UGT2B17: variants seen among roughly 807,000 people sequenced by gnomAD.
UGT2B17 encodes the protein UDP-glucuronosyltransferase 2B17.
Under a neutral mutation model 48.2 loss-of-function variants are expected in UGT2B17, and 21 were observed. The observed-to-expected ratio is 0.44, with a 90% CI of 0.31 to 0.63. The LOEUF (loss-of-function observed/expected upper bound fraction) is 0.63. UGT2B17 is among the 20% of genes least tolerant of loss of function. UGT2B17 has a pLI of 0.08. For missense variants in UGT2B17, 402 were observed against 696.1 expected, an observed-to-expected ratio of 0.58 and a Z score of 4.75; for synonymous variants, 146 against 238.4, an observed-to-expected ratio of 0.61 and a Z score of 3.57.
Position 68,555,215 on chromosome 4 carries a change from C to G in UGT2B17, c.1006-3304G>C, listed in dbSNP as rs1296822505. Among the ~76,000 whole-genome samples, 9 of 125,704 alleles carry G rather than the reference C, an allele frequency of 7.2e-5. 2 individuals are homozygous for G. Among genetic ancestry groups the G allele is most frequent in the African/African-American group, 2.4e-4 (9 of 36,988 alleles). 82.5% of individuals were successfully genotyped at this position (125,704 alleles called of 152,430 possible). On this transcript the variant is annotated intron_variant, in intron 4 of 6. Coordinates refer to ENST00000317746, the MANE Select transcript of UGT2B17 (RefSeq NM_001077.4). ...ATTTCATACTTATTCTTGCCAAATA[C>G]TTTAAGGTGTCAAAATTTGACATAG...
rs575582856 is a variant in UGT2B17 at position 68,561,446 on chromosome 4, C to A, written c.874-778G>T. On this transcript the variant is annotated intron_variant, in intron 3 of 6. Transcript: ENST00000317746. Reference sequence around the variant, plus strand: ...GTTACATAATTAAGTGATCTTATTTCTCAGATCATTGTTTAGGTATGACTA... The same window carrying A: ...GTTACATAATTAAGTGATCTTATTTATCAGATCATTGTTTAGGTATGACTA... Among the ~76,000 whole-genome samples the A allele has an allele frequency of 7.3e-4, 91 of 124,756 alleles. 24 individuals carry two copies. In the South Asian group the frequency reaches 0.014, roughly 19 times the overall value. The allele number at this position is 124,756 out of a possible 152,430, so 81.8% of individuals were successfully genotyped here.
Position 68,546,012 on chromosome 4 carries a change from C to G in UGT2B17, c.1313+4665G>C, listed in dbSNP as rs530054612. Among the ~76,000 whole-genome samples, 95 of 125,888 alleles carry G rather than the reference C, an allele frequency of 7.5e-4. 17 individuals are homozygous for G. The highest frequency in any genetic ancestry group is 2.5e-3 in the African/African-American group (93 of 36,782). 82.6% of individuals were successfully genotyped at this position (125,888 alleles called of 152,430 possible). A position where few individuals can be genotyped will look rare whatever the true frequency, so the allele number is the denominator to read the frequency against. ...CCAGAGGTACAAGGAGGAGCTGGTA[C>G]CCTTCCTTCTGAAACTATTCCAATC... On this transcript the variant is annotated intron_variant, in intron 6 of 6. Transcript: ENST00000317746.
intron 6 of UGT2B17, among the ~76,000 whole-genome samples, chr4:68,550,162 C>T (rs1290206048): frequency 8.0e-6 from 1 of 124,282 alleles, no homozygotes; most frequent in Non-Finnish European, 1.7e-5. Flanking sequence ...TTAATTTGAG[C>T]TCACAAAAAT....
rs1429090416 is a variant in UGT2B17, at chr4:68,553,940, G to C, written c.1006-2029C>G. On this transcript the variant is annotated intron_variant, in intron 4 of 6. Transcript: ENST00000317746. The stretch of plus-strand genomic sequence containing the variant: ...AGGCAAAAGGCACCCCTAAGCAACT[G>C]GGGGCCTTGTGGGAGTGTCTTGGGT... Among the ~76,000 whole-genome samples, 2 of 124,136 alleles carry C rather than the reference G, an allele frequency of 1.6e-5. 1 individual carries two copies. The highest frequency in any genetic ancestry group is 3.4e-5 in the Non-Finnish European group (2 of 58,846). 81.4% of individuals were successfully genotyped at this position (124,136 alleles called of 152,430 possible).
chr4:68,576,026 C>A lies in UGT2B17; in HGVS notation c.-140G>T, dbSNP rs1731368532. ...CCACTGTGTTAATCCTCCACGGGGGCCTGCTACGTGTTGATCTGGTGAGGT... is the reference window on the plus strand; with the variant it reads ...CCACTGTGTTAATCCTCCACGGGGGACTGCTACGTGTTGATCTGGTGAGGT... On this transcript the variant is annotated 5_prime_UTR_variant, in exon 1 of 7. Transcript: ENST00000317746. Among the ~76,000 whole-genome samples, 1 of 126,074 alleles carries A rather than the reference C, an allele frequency of 7.9e-6. No individual in the cohort carries two copies. The highest frequency in any genetic ancestry group is 1.7e-5 in the Non-Finnish European group (1 of 59,472). The allele number at this position is 126,074 out of a possible 152,430, so 82.7% of individuals were successfully genotyped here. A position where few individuals can be genotyped will look rare whatever the true frequency, so the allele number is the denominator to read the frequency against.
In UGT2B17 at chr4:68,551,657, T is replaced by A. The variant is rs575588588; in HGVS notation, c.1093+167A>T. On this transcript the variant is annotated intron_variant, in intron 5 of 6. Coordinates refer to ENST00000317746, the MANE Select transcript of UGT2B17 (RefSeq NM_001077.4). ...TGTAACAAAATGCCAACTACCATAG[T>A]GTATTCTTCTTATACTAAGACTAGA... 3.1e-4 allele frequency among the ~76,000 whole-genome samples: 39 copies of A among 126,792 alleles called. 10 individuals are homozygous for A. The highest frequency in any genetic ancestry group is 9.9e-4 in the African/African-American group (37 of 37,296). The allele number at this position is 126,792 out of a possible 152,430, so 83.2% of individuals were successfully genotyped here.
At position 68,555,815 on chromosome 4, in the gene UGT2B17, G is replaced by A. The variant is rs1160182194; in HGVS notation, c.1006-3904C>T. Among the ~76,000 whole-genome samples the A allele has an allele frequency of 1.6e-5, 2 of 123,962 alleles. 1 individual carries two copies. The highest frequency in any genetic ancestry group is 1.7e-4 in the Admixed American group (2 of 12,014). 81.3% of individuals were successfully genotyped at this position (123,962 alleles called of 152,430 possible). ...AAAAAAAGTGCATCTTTTTTAAAAA[G>A]GTGAAGAAGTGTTGTCTAATTCAAA... On this transcript the variant is annotated intron_variant, in intron 4 of 6. Coordinates refer to ENST00000317746, the MANE Select transcript of UGT2B17 (RefSeq NM_001077.4).
At position 68,571,320 on chromosome 4, in the gene UGT2B17, C is replaced by T. The variant is rs1180451555; in HGVS notation, c.-64-2772G>A. On this transcript the variant is annotated intron_variant, in intron 1 of 6. Coordinates refer to ENST00000317746, the MANE Select transcript of UGT2B17 (RefSeq NM_001077.4). ...TAAGAAGAAAGAAGGCTTAATGGTG[C>T]GAATTACACAGCTACCTGTCTACTG... 8.0e-5 allele frequency among the ~76,000 whole-genome samples: 10 copies of T among 125,232 alleles called. 1 individual carries two copies. The highest frequency in any genetic ancestry group is 1.3e-4 in the Non-Finnish European group (8 of 59,264). The allele number at this position is 125,232 out of a possible 152,430, so 82.2% of individuals were successfully genotyped here.
At chr4:68,551,111 G>A (rs1578167045) in intron 5 of UGT2B17, among the ~76,000 whole-genome samples, 1 of 124,774 alleles carries the variant, frequency 8.0e-6, no homozygotes, top group African/African-American at 2.7e-5. Flanking sequence ...TGGTCTGTGT[G>A]TCTTCACAGT....
chr4:68,541,233 A>T (rs1326971825), intron 6 of UGT2B17, among the ~76,000 whole-genome samples: 1 of 126,066 alleles, frequency 7.9e-6, no homozygotes, highest in Non-Finnish European at 1.7e-5. Context: ...ATTGTTTTCC[A>T]TGATGGTTGA....
rs371084578 is a variant in UGT2B17 at position 68,546,989 on chromosome 4, C to T, written c.1313+3688G>A. 1.4e-4 allele frequency among the ~76,000 whole-genome samples: 17 copies of T among 124,716 alleles called. 4 individuals carry two copies. Among genetic ancestry groups the T allele is most frequent in the East Asian group, 7.7e-4 (1 of 1,298 alleles). The allele number at this position is 124,716 out of a possible 152,430, so 81.8% of individuals were successfully genotyped here. On this transcript the variant is annotated intron_variant, in intron 6 of 6. Transcript: ENST00000317746. Reference sequence around the variant, plus strand: ...GTAGGAAGAATCAATATCGTGAAAACGGCCATACTGCCCAAGGTAATTTAT... The same window carrying T: ...GTAGGAAGAATCAATATCGTGAAAATGGCCATACTGCCCAAGGTAATTTAT...
Position 68,575,932 on chromosome 4 carries a change from T to C in UGT2B17, c.-65+19A>G, listed in dbSNP as rs1731366951. The stretch of plus-strand genomic sequence containing the variant: ...TTCTACTCAGGTGGAGTGGGACAAG[T>C]TCAAAAGACTAGTCTTACCAAGTTC... On this transcript the variant is annotated intron_variant, in intron 1 of 6. Transcript: ENST00000317746. 7.9e-6 allele frequency among the ~76,000 whole-genome samples: 1 copy of C among 126,138 alleles called. No homozygotes were observed. The highest frequency in any genetic ancestry group is 1.7e-5 in the Non-Finnish European group (1 of 59,460). 82.8% of individuals were successfully genotyped at this position (126,138 alleles called of 152,430 possible). A position where few individuals can be genotyped will look rare whatever the true frequency, so the allele number is the denominator to read the frequency against.
intron 4 of UGT2B17, among the ~76,000 whole-genome samples, chr4:68,554,578 A>G (rs1443887088): frequency 7.9e-6 from 1 of 125,810 alleles, no homozygotes; most frequent in Non-Finnish European, 1.7e-5. Flanking sequence ...AGTAAAAACC[A>G]CATAATCTTT....
Position 68,538,224 on chromosome 4 carries a change from C to T in UGT2B17, c.1314-320G>A, listed in dbSNP as rs538678803. On this transcript the variant is annotated intron_variant, in intron 6 of 6. Transcript: ENST00000317746. ...AGTGGAAATAGAATCTGGGAATGAT[C>T]ATTTTGATATTTTTAGTTTTTTTTT... is the stretch of plus-strand genomic sequence containing the variant. Among the ~76,000 whole-genome samples the T allele has an allele frequency of 1.6e-4, 13 of 82,188 alleles. 4 individuals carry two copies. Among genetic ancestry groups the T allele is most frequent in the East Asian group, 1.3e-3 (1 of 746 alleles). 53.9% of individuals were successfully genotyped at this position (82,188 alleles called of 152,430 possible).
rs1189767527 is a variant in UGT2B17, at chr4:68,549,445, T to C, written c.1313+1232A>G. ...ATCTATAACATATTAATAATTCTTA[T>C]GAATCCATAATAAGGTAAATAGAAA... On this transcript the variant is annotated intron_variant, in intron 6 of 6. Transcript: ENST00000317746. Among the ~76,000 whole-genome samples, 4 of 124,768 alleles carry C rather than the reference T, an allele frequency of 3.2e-5. 1 individual carries two copies. Among genetic ancestry groups the C allele is most frequent in the African/African-American group, 1.1e-4 (4 of 36,666 alleles). 81.9% of individuals were successfully genotyped at this position (124,768 alleles called of 152,430 possible).
Position 68,537,300 on chromosome 4 carries a change from G to T in UGT2B17, c.*325C>A. The T allele has an allele frequency of 6.8e-6, 1 of 146,338 alleles. No individual in the cohort carries two copies. Among genetic ancestry groups the T allele is most frequent in the Non-Finnish European group, 1.3e-5 (1 of 74,344 alleles). 9.1% of individuals were successfully genotyped at this position (146,338 alleles called of 1,614,324 possible). ...TGATACTATGAGTGGAGTTGTTAAT[G>T]TTTTGTGTTCAAATACAATGTGTGA... On this transcript the variant is annotated 3_prime_UTR_variant, in exon 7 of 7. Coordinates refer to ENST00000317746, the MANE Select transcript of UGT2B17 (RefSeq NM_001077.4).
In UGT2B17 at chr4:68,543,047, C is replaced by T. The variant is rs1730709141; in HGVS notation, c.1314-5143G>A. ...TAACCAAACAAAAGGCAGCAGAAAC[C>T]TCTGCAGTCTTAAATGTCCCTGTCT... On this transcript the variant is annotated intron_variant, in intron 6 of 6. Coordinates refer to ENST00000317746, the MANE Select transcript of UGT2B17 (RefSeq NM_001077.4). Among the ~76,000 whole-genome samples the T allele has an allele frequency of 1.6e-5, 2 of 126,440 alleles. 1 individual carries two copies. The highest frequency in any genetic ancestry group is 5.4e-5 in the African/African-American group (2 of 37,026). The allele number at this position is 126,440 out of a possible 152,430, so 82.9% of individuals were successfully genotyped here.
chr4:68,574,901 C>A lies in UGT2B17; in HGVS notation c.-65+1050G>T, dbSNP rs1219650042. 6.5e-5 allele frequency among the ~76,000 whole-genome samples: 8 copies of A among 122,552 alleles called. 1 individual carries two copies. Among genetic ancestry groups the A allele is most frequent in the Admixed American group, 5.1e-4 (6 of 11,876 alleles). 80.4% of individuals were successfully genotyped at this position (122,552 alleles called of 152,430 possible). On this transcript the variant is annotated intron_variant, in intron 1 of 6. Coordinates refer to ENST00000317746, the MANE Select transcript of UGT2B17 (RefSeq NM_001077.4). The stretch of plus-strand genomic sequence containing the variant: ...AACAACAAGTTAATTTATTTCAGGA[C>A]AAGAATTTACCATATAACACTCTTT...
chr4:68,566,649 C>A (rs1731207455), intron 2 of UGT2B17, among the ~76,000 whole-genome samples: 1 of 104,164 alleles, frequency 9.6e-6, no homozygotes, highest in Non-Finnish European at 1.9e-5. Flanking sequence ...TTGAGGCATC[C>A]CAGTCATGTA....
Sources: gnomAD v4.1 joint callset for allele counts (sites outside exome capture counted in the v4.1 genomes callset) on GRCh38, gnomAD v4.1.1 for gene constraint, MANE v1.5 for transcripts, NCBI Gene and HGNC (gene_info 2026-07-23, HGNC 2026-07-21) for gene names.